NAALADL2: variants seen among roughly 807,000 people sequenced by gnomAD.
The protein encoded by NAALADL2 is N-acetylated alpha-linked acidic dipeptidase like 2.
NAALADL2 carries 76 observed loss-of-function variants against 87.2 expected under a neutral mutation model. That is an observed-to-expected ratio of 0.87 (90% CI 0.72 to 1.05). NAALADL2 has a LOEUF of 1.05. NAALADL2 is among the 50% of genes least tolerant of loss of function. The pLI, the probability that NAALADL2 is intolerant of heterozygous loss-of-function variation, is 0.00. For synonymous variants in NAALADL2, 354 were observed against 331.0 expected (o/e 1.07, Z -0.75); for missense variants, 1,089 against 945.8 (o/e 1.15, Z -1.99).
At chr3:174,795,349 C>T (rs1479539697) in intron 3 of NAALADL2, among the ~76,000 whole-genome samples, 1 of 151,840 alleles carries the variant, frequency 6.6e-6, no homozygotes, top group African/African-American at 2.4e-5. Flanking sequence ...AATGGTGTGG[C>T]TAATTGAGTA....
At chr3:174,757,537 G>C (rs906215997) in intron 3 of NAALADL2, among the ~76,000 whole-genome samples, 1 of 151,918 alleles carries the variant, frequency 6.6e-6, no homozygotes, top group African/African-American at 2.4e-5. Context: ...TGTCGCCCAG[G>C]CTGGAGTGCA....
chr3:175,466,986 T>C lies in NAALADL2; in HGVS notation c.1335T>C (p.Tyr445=). 6.2e-7 allele frequency: 1 copy of C among 1,612,196 alleles called. No individual in the cohort carries two copies. Among genetic ancestry groups the C allele is most frequent in the Non-Finnish European group, 8.5e-7 (1 of 1,178,254 alleles). ...GTCCCTTTCTATTTTCAGACCGGTA[T>C]ATCATAGTTGGCAGCCATCATCACA... ...FVMGLTSPDR[Y]IIVGSHHHTA... Residue 445 remains tyrosine, a synonymous_variant, in exon 8 of 14, where the codon TAT becomes TAC. Transcript: ENST00000454872.
intron 3 of NAALADL2, among the ~76,000 whole-genome samples, chr3:174,825,888 G>A (rs897382941): frequency 6.6e-6 from 1 of 152,042 alleles, no homozygotes; most frequent in Non-Finnish European, 1.5e-5. Flanking sequence ...TTAGGCGGGC[G>A]TGGTGGCGGG....
At chr3:175,335,581 A>G (rs1043175214) in intron 5 of NAALADL2, among the ~76,000 whole-genome samples, 1 of 152,236 alleles carries the variant, frequency 6.6e-6, no homozygotes. Context: ...TTCTATTTTT[A>G]GAATTCTCTG....
At chr3:174,611,510 C>T (rs1037424485) in intron 2 of NAALADL2, among the ~76,000 whole-genome samples, 4 of 152,070 alleles carry the variant, frequency 2.6e-5, no homozygotes, top group Non-Finnish European at 4.4e-5. Context: ...GTACATACCA[C>T]GGATACAGTG....
chr3:175,365,454 C>G lies in NAALADL2; in HGVS notation c.1090+41129C>G. 1.4e-5 allele frequency among the ~76,000 whole-genome samples: 2 copies of G among 147,570 alleles called. 1 individual carries two copies. The highest frequency in any genetic ancestry group is 3.0e-5 in the Non-Finnish European group (2 of 66,502). On this transcript the variant is annotated intron_variant, in intron 5 of 13. Coordinates refer to ENST00000454872, the MANE Select transcript of NAALADL2 (RefSeq NM_207015.3). ...TAGTAAATTTTCTTAAACTGCACTA[C>G]TAGTAAATGGAATAGAAGTCGCTTG...
At chr3:175,371,726 A>C (rs1766529050) in intron 5 of NAALADL2, among the ~76,000 whole-genome samples, 1 of 151,806 alleles carries the variant, frequency 6.6e-6, no homozygotes, top group Non-Finnish European at 1.5e-5. Context: ...CAGGAGGCTG[A>C]AGCAGGAGAA....
intron 2 of NAALADL2, among the ~76,000 whole-genome samples, chr3:175,154,379 G>A (rs903787859): frequency 6.6e-6 from 1 of 152,118 alleles, no homozygotes; most frequent in Non-Finnish European, 1.5e-5. Context: ...ACAACACACT[G>A]TTTAAGTTAA....
chr3:175,336,615 C>A (rs1762001177), intron 5 of NAALADL2, among the ~76,000 whole-genome samples: 1 of 152,108 alleles, frequency 6.6e-6, no homozygotes, highest in Admixed American at 6.6e-5. Context: ...GCTTATGAGT[C>A]AGCAGGAAAC....
At chr3:174,727,191 T>G (rs1010042333) in intron 2 of NAALADL2, among the ~76,000 whole-genome samples, 68 of 151,782 alleles carry the variant, frequency 4.5e-4, no homozygotes, top group Non-Finnish European at 7.9e-4. Flanking sequence ...AAATGTTGTT[T>G]TCTTGTTTTT....
intron 12 of NAALADL2, among the ~76,000 whole-genome samples, chr3:175,752,619 T>C (rs1378388500): frequency 6.6e-5 from 10 of 152,150 alleles, no homozygotes; most frequent in Admixed American, 5.9e-4. Context: ...AAGTAATGCA[T>C]ACAGTGTGTT....
At chr3:174,481,311 A>C (rs372179414) in intron 1 of NAALADL2, among the ~76,000 whole-genome samples, 5 of 152,206 alleles carry the variant, frequency 3.3e-5, no homozygotes, top group African/African-American at 1.2e-4. Context: ...GAGGTGAGAA[A>C]GAGTAACATG....
chr3:175,007,771 G>T (rs556782463), intron 1 of NAALADL2, among the ~76,000 whole-genome samples: 3 of 151,950 alleles, frequency 2.0e-5, no homozygotes, highest in African/African-American at 7.3e-5. Flanking sequence ...CTACGAAAAG[G>T]TTTAATTTAT....
intron 4 of NAALADL2, among the ~76,000 whole-genome samples, chr3:175,301,498 TA>T (rs1350669644): frequency 2.0e-5 from 3 of 152,230 alleles, no homozygotes; most frequent in Non-Finnish European, 4.4e-5. Context: ...AAAACATTGT[TA>T]ATTCCAATTT....
intron 2 of NAALADL2, among the ~76,000 whole-genome samples, chr3:175,188,531 A>G (rs1016594816): frequency 1.3e-5 from 2 of 152,096 alleles, no homozygotes; most frequent in African/African-American, 4.8e-5. Flanking sequence ...GTAGTTTCCT[A>G]TGTCCCAGGG....
chr3:174,916,510 A>G (rs1734418260), intron 1 of NAALADL2, among the ~76,000 whole-genome samples: 1 of 152,164 alleles, frequency 6.6e-6, no homozygotes. Context: ...TGTAGCATAT[A>G]TACACCATGG....
intron 1 of NAALADL2, among the ~76,000 whole-genome samples, chr3:174,495,093 T>A (rs933558449): frequency 6.6e-6 from 1 of 152,108 alleles, no homozygotes; most frequent in Non-Finnish European, 1.5e-5. Context: ...AGCCAAAATA[T>A]CTACTGGAGA....
At chr3:174,595,788 A>T (rs920615422) in intron 2 of NAALADL2, among the ~76,000 whole-genome samples, 3 of 152,168 alleles carry the variant, frequency 2.0e-5, no homozygotes, top group Non-Finnish European at 4.4e-5. Flanking sequence ...AGGCGGGCAG[A>T]TCACCTGAGC....
chr3:175,653,511 T>G (rs2149793400), intron 11 of NAALADL2, among the ~76,000 whole-genome samples: 1 of 152,326 alleles, frequency 6.6e-6, no homozygotes, highest in Admixed American at 6.5e-5. Context: ...TGTGGTGTGA[T>G]GTCTATGAGT....
Sources: allele counts gnomAD v4.1 joint callset (sites outside exome capture counted in the v4.1 genomes callset), GRCh38; gene constraint gnomAD v4.1.1; transcripts MANE v1.5; gene names NCBI Gene and HGNC (gene_info 2026-07-23, HGNC 2026-07-21).